The following HS6ST3 variants were observed in gnomAD, a reference collection of about 807,000 sequenced individuals.
HS6ST3 encodes heparan-sulfate 6-O-sulfotransferase 3.
In HS6ST3, 12 loss-of-function variants were observed where a neutral mutation model predicts 36.7. The ratio of observed to expected loss-of-function variants is 0.33; its 90% CI spans 0.21 to 0.53. The LOEUF (loss-of-function observed/expected upper bound fraction) is 0.53. HS6ST3 is among the 20% of genes least tolerant of loss of function. The pLI is 0.95. For missense variants in HS6ST3, 584 were observed against 640.9 expected, an observed-to-expected ratio of 0.91 and a Z score of 0.96; for synonymous variants, 240 against 257.5, an observed-to-expected ratio of 0.93 and a Z score of 0.65.
chr13:96,184,332 A>T (rs1367929714), intron 1 of HS6ST3, among the ~76,000 whole-genome samples: 1 of 151,716 alleles, frequency 6.6e-6, no homozygotes, highest in African/African-American at 2.4e-5. Flanking sequence ...TATCTGTTGT[A>T]CTTGGAATTT....
intron 1 of HS6ST3, among the ~76,000 whole-genome samples, chr13:96,666,729 A>G (rs1483662425): frequency 6.6e-6 from 1 of 152,044 alleles, no homozygotes; most frequent in East Asian, 1.9e-4. Context: ...TTTCTGTGTG[A>G]CCTCATTTTC....
At chr13:96,448,375 C>A (rs981652519) in intron 1 of HS6ST3, among the ~76,000 whole-genome samples, 1 of 152,102 alleles carries the variant, frequency 6.6e-6, no homozygotes, top group African/African-American at 2.4e-5. Flanking sequence ...GTTTTCCCCT[C>A]GTTTAAAATT....
chr13:96,355,984 A>C, intron 1 of HS6ST3, among the ~76,000 whole-genome samples: 1 of 152,160 alleles, frequency 6.6e-6, no homozygotes. Context: ...CATTTCAAGA[A>C]ATCACTTTCT....
chr13:96,129,530 T>G (rs1303885563), intron 1 of HS6ST3, among the ~76,000 whole-genome samples: 1 of 152,212 alleles, frequency 6.6e-6, no homozygotes, highest in Non-Finnish European at 1.5e-5. Flanking sequence ...TTAGTTTGTA[T>G]GAAACCAAGA....
chr13:96,214,782 G>A (rs954263896), intron 1 of HS6ST3, among the ~76,000 whole-genome samples: 1 of 151,932 alleles, frequency 6.6e-6, no homozygotes, highest in Non-Finnish European at 1.5e-5. Context: ...TTTAAAAACA[G>A]AAATCAAGCA....
intron 1 of HS6ST3, among the ~76,000 whole-genome samples, chr13:96,454,353 T>C (rs2055744594): frequency 6.6e-6 from 1 of 152,140 alleles, no homozygotes; most frequent in South Asian, 2.1e-4. Context: ...CTATGTATAA[T>C]AGCAATCATT....
intron 1 of HS6ST3, among the ~76,000 whole-genome samples, chr13:96,182,491 T>C (rs961768731): frequency 2.0e-5 from 3 of 152,220 alleles, no homozygotes; most frequent in African/African-American, 7.2e-5. Flanking sequence ...ATGGGTAATA[T>C]TCTTAAGTTT....
At chr13:96,092,741 C>T (rs1018639101) in intron 1 of HS6ST3, among the ~76,000 whole-genome samples, 5 of 152,212 alleles carry the variant, frequency 3.3e-5, no homozygotes, top group Admixed American at 1.3e-4. Context: ...TTCACCACCA[C>T]TGAAGCATCT....
intron 1 of HS6ST3, among the ~76,000 whole-genome samples, chr13:96,131,106 C>T (rs1237593685): frequency 1.3e-5 from 2 of 152,196 alleles, no homozygotes; most frequent in Non-Finnish European, 2.9e-5. Flanking sequence ...CCTCAGCTCA[C>T]TGCCCTCAGC....
At chr13:96,727,324 T>G in intron 1 of HS6ST3, among the ~76,000 whole-genome samples, 1 of 152,172 alleles carries the variant, frequency 6.6e-6, no homozygotes, top group East Asian at 1.9e-4. Context: ...GTACCTGGCA[T>G]GTAGAAATGC....
chr13:96,483,989 T>C (rs2055901866), intron 1 of HS6ST3, among the ~76,000 whole-genome samples: 1 of 152,204 alleles, frequency 6.6e-6, no homozygotes, highest in African/African-American at 2.4e-5. Context: ...TCATTACTGC[T>C]TGTTGAAAAG....
intron 1 of HS6ST3, among the ~76,000 whole-genome samples, chr13:96,512,541 T>C (rs1247351057): frequency 1.3e-5 from 2 of 152,230 alleles, no homozygotes; most frequent in Non-Finnish European, 2.9e-5. Flanking sequence ...ATCCATCTAT[T>C]GTGGGTGTTT....
chr13:96,698,604 A>G (rs1594839224), intron 1 of HS6ST3, among the ~76,000 whole-genome samples: 1 of 152,212 alleles, frequency 6.6e-6, no homozygotes, highest in Non-Finnish European at 1.5e-5. Context: ...CAATAAAATG[A>G]GAGGATACAA....
chr13:96,284,306 A>G (rs1310767693), intron 1 of HS6ST3, among the ~76,000 whole-genome samples: 3 of 152,164 alleles, frequency 2.0e-5, no homozygotes, highest in Non-Finnish European at 4.4e-5. Context: ...GGCTGTCTGC[A>G]AGCTGAGGAG....
At chr13:96,541,692 A>G (rs1255758544) in intron 1 of HS6ST3, among the ~76,000 whole-genome samples, 2 of 152,196 alleles carry the variant, frequency 1.3e-5, no homozygotes, top group Non-Finnish European at 2.9e-5. Flanking sequence ...ATGTCTGCCT[A>G]GGGCCAAATG....
At chr13:96,328,539 T>G (rs1179254887) in intron 1 of HS6ST3, among the ~76,000 whole-genome samples, 1 of 152,020 alleles carries the variant, frequency 6.6e-6, no homozygotes, top group Non-Finnish European at 1.5e-5. Flanking sequence ...GCCCACTTGA[T>G]CATGGTGGAT....
rs1004878565 is a variant in HS6ST3, at chr13:96,091,165, G to A, written c.303G>A (p.Gly101=). ...EDEEPGDPRE[G]EEEEEEDEPD... is the part of the protein sequence containing the mutation. Reference sequence around the variant, plus strand: ...AGGAGCCCGGAGACCCCCGGGAGGGGGAGGAAGAGGAGGAGGAAGACGAGC... The same window carrying A: ...AGGAGCCCGGAGACCCCCGGGAGGGAGAGGAAGAGGAGGAGGAAGACGAGC... Residue 101 remains glycine, a synonymous_variant, in exon 1 of 2, where the codon GGG becomes GGA. Transcript: ENST00000376705. 2 of 1,545,614 alleles carry A rather than the reference G, an allele frequency of 1.3e-6. No individual in the cohort carries two copies. The highest frequency in any genetic ancestry group is 1.7e-4 in the Middle Eastern group (1 of 5,886).
chr13:96,768,131 AAAG>A (rs1211385288), intron 1 of HS6ST3, among the ~76,000 whole-genome samples: 1 of 152,176 alleles, frequency 6.6e-6, no homozygotes, highest in East Asian at 1.9e-4. Context: ...AAGGGCCTGA[AAAG>A]AAGAATGCTT....
At chr13:96,263,028 T>C (rs1432101504) in intron 1 of HS6ST3, among the ~76,000 whole-genome samples, 3 of 152,216 alleles carry the variant, frequency 2.0e-5, no homozygotes, top group African/African-American at 7.2e-5. Context: ...TATTGAAGTA[T>C]TGTTTTTAAA....
Sources: allele counts gnomAD v4.1 joint callset (sites outside exome capture counted in the v4.1 genomes callset), GRCh38; gene constraint gnomAD v4.1.1; transcripts MANE v1.5; gene names NCBI Gene and HGNC (gene_info 2026-07-23, HGNC 2026-07-21).